The following FHIT variants were observed in gnomAD, a reference collection of about 807,000 sequenced individuals.
FHIT encodes the protein bis(5'-adenosyl)-triphosphatase.
In FHIT, 19 loss-of-function variants were observed where a neutral mutation model predicts 17.9. That is an observed-to-expected ratio of 1.06 (90% CI 0.74 to 1.56). FHIT has a LOEUF of 1.56. Ranked by LOEUF, FHIT falls within the 40% of genes most tolerant of loss-of-function variation. The probability of loss-of-function intolerance (pLI) is 0.00; values close to 1 mark genes in which losing one functional copy is unlikely to be tolerated. For missense variants in FHIT, 248 were observed against 189.2 expected (o/e 1.31, Z -1.82); for synonymous variants, 81 against 69.7 (o/e 1.16, Z -0.81).
intron 8 of FHIT, among the ~76,000 whole-genome samples, chr3:59,807,639 C>A (rs1559623815): frequency 6.6e-6 from 1 of 152,094 alleles, no homozygotes; most frequent in Non-Finnish European, 1.5e-5. Context: ...TATATCCCAG[C>A]AGCAGCATAA....
At chr3:60,035,194 G>A (rs1701164431) in intron 5 of FHIT, among the ~76,000 whole-genome samples, 1 of 152,134 alleles carries the variant, frequency 6.6e-6, no homozygotes. Flanking sequence ...GGATACCAAG[G>A]TCCAGAGGTG....
In FHIT at chr3:60,536,976, A is replaced by G. The variant is rs2036007455; in HGVS notation, c.-14T>C. On this transcript the variant is annotated 5_prime_UTR_variant, in exon 5 of 10. Coordinates refer to ENST00000492590, the MANE Select transcript of FHIT (RefSeq NM_002012.4). Reference sequence around the variant, plus strand: ...TCTGAACGACATGTCCTCACAGTTGAAGTCTAAAAGAAAAGACAATGGATA... The same window carrying G: ...TCTGAACGACATGTCCTCACAGTTGGAGTCTAAAAGAAAAGACAATGGATA... 12 of 1,597,714 alleles carry G rather than the reference A, an allele frequency of 7.5e-6. No individual in the cohort carries two copies. The highest frequency in any genetic ancestry group is 1.4e-5 in the African/African-American group (1 of 73,832).
chr3:60,296,346 G>A (rs1038738159), intron 5 of FHIT, among the ~76,000 whole-genome samples: 7 of 152,062 alleles, frequency 4.6e-5, no homozygotes, highest in Non-Finnish European at 1.0e-4. Flanking sequence ...CCAGCATTTA[G>A]TGTTGTCACC....
intron 5 of FHIT, among the ~76,000 whole-genome samples, chr3:60,029,956 G>T (rs1416373954): frequency 7.0e-6 from 1 of 142,744 alleles, no homozygotes; most frequent in East Asian, 2.1e-4. Context: ...GGTGCAGCGT[G>T]GCTTTTTGCA....
chr3:59,992,711 A>G (rs1021505357), intron 7 of FHIT, among the ~76,000 whole-genome samples: 1 of 152,090 alleles, frequency 6.6e-6, no homozygotes, highest in Non-Finnish European at 1.5e-5. Context: ...TTGTGCAGAG[A>G]ACAGCAGAAG....
chr3:60,339,366 G>A (rs568581058), intron 5 of FHIT, among the ~76,000 whole-genome samples: 9 of 152,162 alleles, frequency 5.9e-5, no homozygotes, highest in South Asian at 2.1e-4. Flanking sequence ...CAAAGACCAC[G>A]TCTAAAAGTA....
chr3:60,430,022 T>G (rs1460577383), intron 5 of FHIT, among the ~76,000 whole-genome samples: 1 of 151,874 alleles, frequency 6.6e-6, no homozygotes, highest in Admixed American at 6.6e-5. Context: ...TGCTTGTACC[T>G]CTGGGAGATA....
At chr3:60,500,004 TCTGA>T (rs771065745) in intron 5 of FHIT, among the ~76,000 whole-genome samples, 240 of 152,316 alleles carry the variant, frequency 1.6e-3, no homozygotes, top group Non-Finnish European at 2.7e-3. Context: ...AGGATCGTTA[TCTGA>T]CTATTCATTA....
chr3:60,017,163 T>C (rs1410808585), intron 5 of FHIT, among the ~76,000 whole-genome samples: 19 of 152,138 alleles, frequency 1.2e-4, no homozygotes, highest in Admixed American at 1.2e-3. Context: ...CCCTAGTCAC[T>C]CTGTTCATAG....
chr3:60,093,612 T>C (rs1703819758), intron 5 of FHIT, among the ~76,000 whole-genome samples: 1 of 151,910 alleles, frequency 6.6e-6, no homozygotes, highest in Non-Finnish European at 1.5e-5. Flanking sequence ...CAGCAGGAGG[T>C]GAGTGGCGGG....
intron 7 of FHIT, among the ~76,000 whole-genome samples, chr3:59,967,046 G>A (rs577886767): frequency 6.6e-6 from 1 of 151,186 alleles, no homozygotes; most frequent in Admixed American, 6.6e-5. Context: ...ACACTTTTGT[G>A]TTAAAAACCA....
At chr3:60,670,135 C>T (rs1226462306) in intron 4 of FHIT, among the ~76,000 whole-genome samples, 1 of 152,128 alleles carries the variant, frequency 6.6e-6, no homozygotes, top group African/African-American at 2.4e-5. Flanking sequence ...GGGATAAATA[C>T]TCATTTCTAT....
intron 3 of FHIT, among the ~76,000 whole-genome samples, chr3:60,823,566 G>T (rs191888117): frequency 6.6e-6 from 1 of 152,248 alleles, no homozygotes; most frequent in African/African-American, 2.4e-5. Flanking sequence ...GCCAAGGATT[G>T]CCAGCAAATC....
intron 2 of FHIT, among the ~76,000 whole-genome samples, chr3:61,138,583 C>T (rs570149908): frequency 7.2e-5 from 11 of 152,278 alleles, no homozygotes; most frequent in Middle Eastern, 3.4e-3. Context: ...ATGATGGTGG[C>T]GCTGACAAAA....
chr3:61,192,296 T>C (rs1415213835), intron 2 of FHIT, among the ~76,000 whole-genome samples: 5 of 152,248 alleles, frequency 3.3e-5, no homozygotes, highest in South Asian at 2.1e-4. Flanking sequence ...TTTTATTTGG[T>C]GGATTTTCAA....
At chr3:60,452,313 A>T (rs1000154894) in intron 5 of FHIT, among the ~76,000 whole-genome samples, 9 of 152,164 alleles carry the variant, frequency 5.9e-5, no homozygotes, top group African/African-American at 2.2e-4. Flanking sequence ...TCATTTCAGT[A>T]TCAGGAAAAC....
chr3:60,559,428 A>T, intron 4 of FHIT, among the ~76,000 whole-genome samples: 1 of 152,284 alleles, frequency 6.6e-6, no homozygotes. Context: ...TAAATTCCCT[A>T]AAGATATTTT....
intron 2 of FHIT, among the ~76,000 whole-genome samples, chr3:61,148,550 G>A (rs573150060): frequency 2.0e-5 from 3 of 152,140 alleles, no homozygotes; most frequent in Non-Finnish European, 2.9e-5. Context: ...CTTTTTGTTG[G>A]TGAGTACCAC....
chr3:60,574,642 T>C (rs2037505684), intron 4 of FHIT, among the ~76,000 whole-genome samples: 2 of 152,128 alleles, frequency 1.3e-5, no homozygotes. Context: ...CATCTTTACA[T>C]TGACTACATC....
Sources: gnomAD v4.1 joint callset for allele counts (sites outside exome capture counted in the v4.1 genomes callset) on GRCh38, gnomAD v4.1.1 for gene constraint, MANE v1.5 for transcripts, NCBI Gene and HGNC (gene_info 2026-07-23, HGNC 2026-07-21) for gene names.